ERC2: variants seen among roughly 807,000 people sequenced by gnomAD.
The protein encoded by ERC2 is ERC protein 2.
ERC2 carries 42 observed loss-of-function variants against 114.8 expected under a neutral mutation model. The observed-to-expected ratio is 0.37, with a 90% CI of 0.29 to 0.47. ERC2 has a LOEUF of 0.47. ERC2 is among the 20% of genes least tolerant of loss of function. ERC2 has a pLI of 0.99. For synonymous variants in ERC2, 454 were observed against 425.5 expected, an observed-to-expected ratio of 1.07 and a Z score of -0.82; for missense variants, 939 against 1,150.7, an observed-to-expected ratio of 0.82 and a Z score of 2.66.
At chr3:56,415,264 G>A (rs2061104533) in intron 2 of ERC2, among the ~76,000 whole-genome samples, 1 of 152,112 alleles carries the variant, frequency 6.6e-6, no homozygotes, top group African/African-American at 2.4e-5. Flanking sequence ...GTGGATGGAT[G>A]GATGGATAGA....
At chr3:56,067,891 A>T (rs2076554508) in intron 7 of ERC2, among the ~76,000 whole-genome samples, 1 of 152,194 alleles carries the variant, frequency 6.6e-6, no homozygotes. Flanking sequence ...GGATGAAGCC[A>T]ACTTGATCAT....
chr3:55,726,192 T>G (rs940829947), intron 15 of ERC2, among the ~76,000 whole-genome samples: 2 of 152,226 alleles, frequency 1.3e-5, no homozygotes, highest in African/African-American at 4.8e-5. Context: ...CCAATACATT[T>G]GCATTTTAGC....
chr3:55,538,293 G>A (rs2107319987), intron 17 of ERC2, among the ~76,000 whole-genome samples: 1 of 152,312 alleles, frequency 6.6e-6, no homozygotes, highest in African/African-American at 2.4e-5. Context: ...TTCCAGCCCT[G>A]TCTCTATTTG....
At chr3:55,592,709 G>A (rs1028675547) in intron 17 of ERC2, among the ~76,000 whole-genome samples, 1 of 152,164 alleles carries the variant, frequency 6.6e-6, no homozygotes, top group Non-Finnish European at 1.5e-5. Flanking sequence ...AGGGAAAGGA[G>A]CTCATTTATC....
intron 2 of ERC2, among the ~76,000 whole-genome samples, chr3:56,422,654 TCAG>T (rs573991576): frequency 6.0e-4 from 91 of 152,316 alleles, no homozygotes; most frequent in African/African-American, 2.0e-3. Flanking sequence ...AGCTTCCATT[TCAG>T]CCCCAGATTC....
intron 15 of ERC2, among the ~76,000 whole-genome samples, chr3:55,711,752 CAA>C (rs1329745204): frequency 1.3e-5 from 2 of 152,138 alleles, no homozygotes; most frequent in Non-Finnish European, 2.9e-5. Flanking sequence ...ATGCTTAAAA[CAA>C]TATTTTTGCA....
Position 55,651,289 on chromosome 3 carries a change from G to C in ERC2, c.*39+32505C>G, listed in dbSNP as rs1152116. Among the ~76,000 whole-genome samples, 515 of 152,228 alleles carry C rather than the reference G, an allele frequency of 3.4e-3. 3 individuals are homozygous for C. Among genetic ancestry groups the C allele is most frequent in the African/African-American group, 0.012 (481 of 41,568 alleles). On this transcript the variant is annotated intron_variant, in intron 17 of 17. Coordinates refer to ENST00000288221, the MANE Select transcript of ERC2 (RefSeq NM_015576.3). ...CTCTGTAGGTCTTCCACAGTGCTTA[G>C]AGAATTAAGGAATTGCTCGTCTAGA...
At chr3:56,458,470 C>T (rs531415691) in intron 1 of ERC2, among the ~76,000 whole-genome samples, 120 of 152,278 alleles carry the variant, frequency 7.9e-4, no homozygotes, top group African/African-American at 2.8e-3. Context: ...ATTCAAAGCC[C>T]ATGTATAAAA....
chr3:55,907,504 G>T (rs904204687), intron 13 of ERC2, among the ~76,000 whole-genome samples: 1 of 152,206 alleles, frequency 6.6e-6, no homozygotes, highest in African/African-American at 2.4e-5. Flanking sequence ...TTAATTGTTT[G>T]ACTGGAGAAA....
intron 15 of ERC2, among the ~76,000 whole-genome samples, chr3:55,720,519 A>G (rs2064478926): frequency 6.6e-6 from 1 of 151,842 alleles, no homozygotes; most frequent in African/African-American, 2.4e-5. Context: ...TCCTGGACTC[A>G]AGCAATCTTT....
intron 17 of ERC2, among the ~76,000 whole-genome samples, chr3:55,651,905 G>C (rs534146666): frequency 3.9e-5 from 6 of 152,184 alleles, no homozygotes; most frequent in Non-Finnish European, 8.8e-5. Context: ...CCAGCAGCTC[G>C]GAATGCTGTT....
chr3:55,641,131 G>C (rs1012758295), intron 17 of ERC2, among the ~76,000 whole-genome samples: 4 of 152,128 alleles, frequency 2.6e-5, no homozygotes, highest in African/African-American at 9.7e-5. Flanking sequence ...GTCTGCTAGA[G>C]AATGAAATCC....
chr3:55,913,011 G>A (rs980825546), intron 13 of ERC2, among the ~76,000 whole-genome samples: 1 of 151,696 alleles, frequency 6.6e-6, no homozygotes, highest in African/African-American at 2.4e-5. Flanking sequence ...TTAGAGATGG[G>A]GTCTTGCTCT....
chr3:56,158,256 T>A (rs925920869), intron 4 of ERC2, among the ~76,000 whole-genome samples: 1 of 152,002 alleles, frequency 6.6e-6, no homozygotes, highest in Admixed American at 6.6e-5. Flanking sequence ...AAATGCCCAA[T>A]AGCCAGAAAG....
At chr3:55,686,966 C>T (rs1370381844) in intron 16 of ERC2, among the ~76,000 whole-genome samples, 1 of 152,172 alleles carries the variant, frequency 6.6e-6, no homozygotes, top group South Asian at 2.1e-4. Flanking sequence ...GACCACAAAA[C>T]CCAGCAAATT....
At chr3:56,009,548 T>A (rs546703095) in intron 9 of ERC2, among the ~76,000 whole-genome samples, 1 of 152,328 alleles carries the variant, frequency 6.6e-6, no homozygotes, top group South Asian at 2.1e-4. Flanking sequence ...GATAGATAAC[T>A]GTGCTGTGGT....
At chr3:56,322,195 G>C (rs1307627353) in intron 2 of ERC2, among the ~76,000 whole-genome samples, 1 of 152,190 alleles carries the variant, frequency 6.6e-6, no homozygotes, top group African/African-American at 2.4e-5. Flanking sequence ...GACAGAGCCT[G>C]GTTCATAGCA....
At chr3:55,569,674 T>C (rs545436128) in intron 17 of ERC2, among the ~76,000 whole-genome samples, 113 of 152,300 alleles carry the variant, frequency 7.4e-4, no homozygotes, top group Non-Finnish European at 1.3e-3. Flanking sequence ...TTTTTAAACT[T>C]TGGCAAGTCA....
intron 6 of ERC2, among the ~76,000 whole-genome samples, chr3:56,123,146 A>T (rs999255655): frequency 6.6e-6 from 1 of 152,048 alleles, no homozygotes; most frequent in African/African-American, 2.4e-5. Flanking sequence ...ACATCCTGAC[A>T]TCTGCTATAG....
Sources: gnomAD v4.1 joint callset for allele counts (sites outside exome capture counted in the v4.1 genomes callset) on GRCh38, gnomAD v4.1.1 for gene constraint, MANE v1.5 for transcripts, NCBI Gene and HGNC (gene_info 2026-07-23, HGNC 2026-07-21) for gene names.